Variants in PPP2R3A observed in about 807,000 individuals in gnomAD.
PPP2R3A encodes the protein protein phosphatase 2 regulatory subunit B''alpha, also known as serine/threonine-protein phosphatase 2A regulatory subunit B'' subunit alpha.
PPP2R3A carries 80 observed loss-of-function variants against 106.9 expected under a neutral mutation model. That is an observed-to-expected ratio of 0.75 (90% CI 0.62 to 0.90). The LOEUF (loss-of-function observed/expected upper bound fraction) is 0.90, where lower values mean the gene tolerates loss of function less well. Ranked by LOEUF, PPP2R3A falls within the 40% of genes least tolerant of loss-of-function variation. The pLI, the probability that PPP2R3A is intolerant of heterozygous loss-of-function variation, is 0.00. For synonymous variants in PPP2R3A, 483 were observed against 468.3 expected, an observed-to-expected ratio of 1.03 and a Z score of -0.41; for missense variants, 1,386 against 1,350.4, an observed-to-expected ratio of 1.03 and a Z score of -0.41.
At chr3:135,987,814 T>C (rs1451230818) in intron 1 of PPP2R3A, among the ~76,000 whole-genome samples, 3 of 152,318 alleles carry the variant, frequency 2.0e-5, no homozygotes, top group Admixed American at 1.3e-4. Flanking sequence ...AAGTGCTCAA[T>C]AGCCACATGT....
At chr3:136,034,751 G>A (rs941643408) in intron 3 of PPP2R3A, among the ~76,000 whole-genome samples, 1 of 152,110 alleles carries the variant, frequency 6.6e-6, no homozygotes, top group Non-Finnish European at 1.5e-5. Flanking sequence ...TTGTTCCAGG[G>A]TATAGTTTAA....
rs1319778098 is a variant in PPP2R3A, at chr3:136,146,204, T to A, written c.*1038T>A. The A allele has an allele frequency of 2.0e-5, 3 of 152,240 alleles. No individual in the cohort carries two copies. 9.4% of individuals were successfully genotyped at this position (152,240 alleles called of 1,614,324 possible). Reference sequence around the variant, plus strand: ...ACAGCTATAAAAGAAAGCTGTTATTTACTGTAGTTGTAGATGTATTCACTA... The same window carrying A: ...ACAGCTATAAAAGAAAGCTGTTATTAACTGTAGTTGTAGATGTATTCACTA... On this transcript the variant is annotated 3_prime_UTR_variant, in exon 14 of 14. Transcript: ENST00000264977.
intron 4 of PPP2R3A, among the ~76,000 whole-genome samples, chr3:136,048,308 G>A (rs555483117): frequency 1.3e-5 from 2 of 152,272 alleles, no homozygotes; most frequent in South Asian, 4.1e-4. Flanking sequence ...CACAAGTGCA[G>A]GAATGGTAAG....
chr3:136,056,281 T>C (rs1373267414), intron 5 of PPP2R3A, among the ~76,000 whole-genome samples: 2 of 152,162 alleles, frequency 1.3e-5, no homozygotes, highest in African/African-American at 4.8e-5. Flanking sequence ...AACACTGGAA[T>C]AGAAAGAAGA....
In PPP2R3A at chr3:136,103,256, A is replaced by AGGC; in HGVS notation, c.3104-1_3105dup. On this transcript the variant is annotated splice_acceptor_variant, in intron 11 of 13. Transcript: ENST00000264977. LOFTEE classifies it high-confidence loss of function. Reference sequence around the variant, plus strand: ...TTACCAGATTTGTTTATTTTTATGTAGGCAAAATAACTCTAAGAGATCTGA... The same window carrying AGGC: ...TTACCAGATTTGTTTATTTTTATGTAGGCGGCAAAATAACTCTAAGAGATCTGA... The AGGC allele has an allele frequency of 1.9e-6, 3 of 1,567,012 alleles. No individual in the cohort carries two copies. The highest frequency in any genetic ancestry group is 2.6e-6 in the Non-Finnish European group (3 of 1,150,332).
chr3:136,131,349 A>C (rs1420124618), intron 13 of PPP2R3A, among the ~76,000 whole-genome samples: 1 of 152,260 alleles, frequency 6.6e-6, no homozygotes, highest in Non-Finnish European at 1.5e-5. Context: ...AAAAGTAGGC[A>C]AAGGATATGA....
intron 1 of PPP2R3A, among the ~76,000 whole-genome samples, chr3:135,972,086 A>G (rs1312693044): frequency 6.6e-6 from 1 of 152,054 alleles, no homozygotes; most frequent in African/African-American, 2.4e-5. Context: ...CATTTTCATC[A>G]CCCCAAAAGG....
chr3:136,103,468 C>A, intron 12 of PPP2R3A, 92 bp downstream of exon 12: 1 of 860,486 alleles, frequency 1.2e-6, no homozygotes, highest in Non-Finnish European at 1.8e-6. Flanking sequence ...GCTGGAATTT[C>A]GGTAAAGAGG....
At chr3:136,133,581 A>G (rs1465815771) in intron 13 of PPP2R3A, among the ~76,000 whole-genome samples, 1 of 152,112 alleles carries the variant, frequency 6.6e-6, no homozygotes, top group African/African-American at 2.4e-5. Context: ...AAAGTTAAAC[A>G]TACATTTGGC....
intron 10 of PPP2R3A, 107 bp downstream of exon 10, chr3:136,090,774 T>A: frequency 1.3e-6 from 1 of 787,120 alleles, no homozygotes; most frequent in Admixed American, 2.2e-5. Context: ...GTGGCAATAC[T>A]AAGATGAATT....
At chr3:136,141,523 G>A (rs773676756) in intron 13 of PPP2R3A, among the ~76,000 whole-genome samples, 10 of 152,210 alleles carry the variant, frequency 6.6e-5, no homozygotes, top group Non-Finnish European at 1.3e-4. Context: ...TAGTGGAAGT[G>A]CAAGAACAGA....
chr3:136,003,108 C>CT lies in PPP2R3A; in HGVS notation c.1611dup (p.Asn538Ter). 3.7e-6 allele frequency: 6 copies of CT among 1,610,780 alleles called. No homozygotes were observed. Among genetic ancestry groups the CT allele is most frequent in the Non-Finnish European group, 5.1e-6 (6 of 1,179,216 alleles). ...GAGCCACTTGCGAAGGGTAAAAACT[C>CT]TAATTTTTTAAATAGTCACAGTCAG... On this transcript the variant is annotated frameshift_variant, in exon 2 of 14. Transcript: ENST00000264977. LOFTEE classifies it high-confidence loss of function.
In PPP2R3A at chr3:136,049,329, C is replaced by T; in HGVS notation, c.2437C>T (p.Leu813=). Residue 813 remains leucine, a synonymous_variant, in exon 5 of 14, where the codon CTA becomes TTA. Transcript: ENST00000264977. ...TCTAGCAAAGCCCAACTGCAGCTCT[C>T]TAGAACAGGAGGATTTCATCCCTCT... ...CLLAKPNCSS[L]EQEDFIPLLQ... 1 of 1,613,456 alleles carries T rather than the reference C, an allele frequency of 6.2e-7. No homozygotes were observed. Among genetic ancestry groups the T allele is most frequent in the East Asian group, 2.2e-5 (1 of 44,866 alleles).
intron 4 of PPP2R3A, among the ~76,000 whole-genome samples, chr3:136,047,668 G>A (rs758310786): frequency 3.3e-5 from 5 of 152,184 alleles, no homozygotes; most frequent in Admixed American, 6.5e-5. Context: ...TTCGGAGGCC[G>A]AGGTGAGTGG....
Position 136,088,064 on chromosome 3 carries a change from G to A in PPP2R3A, c.2837+133G>A. On this transcript the variant is annotated intron_variant, in intron 9 of 13. Coordinates refer to ENST00000264977, the MANE Select transcript of PPP2R3A (RefSeq NM_002718.5). ...TAATATCCTATAAAACATAGTTATG[G>A]CTTAATACAAGACAGTAATTCTTTT... 3 of 670,998 alleles carry A rather than the reference G, an allele frequency of 4.5e-6. No individual in the cohort carries two copies. The South Asian group carries it at 6.7e-5, about 15-fold the overall frequency. 41.6% of individuals were successfully genotyped at this position (670,998 alleles called of 1,614,324 possible).
Position 136,133,203 on chromosome 3 carries a change from C to T in PPP2R3A, c.3330-11840C>T, listed in dbSNP as rs866340354. ...AAAAACGATTGCTCTTCAGAAGACA[C>T]CATTAAGAAAATGAAAAAACAGACC... On this transcript the variant is annotated intron_variant, in intron 13 of 13. Transcript: ENST00000264977. Among the ~76,000 whole-genome samples the T allele has an allele frequency of 1.7e-3, 257 of 151,976 alleles. 1 individual carries two copies. Among genetic ancestry groups the T allele is most frequent in the African/African-American group, 5.2e-3 (215 of 41,476 alleles).
intron 12 of PPP2R3A, among the ~76,000 whole-genome samples, 185 bp downstream of exon 12, chr3:136,103,561 AG>A (rs371799769): frequency 1.4e-3 from 220 of 152,344 alleles, no homozygotes; most frequent in African/African-American, 5.0e-3. Context: ...GCCGATCGTC[AG>A]GTCTAAGTAA....
At chr3:136,015,288 T>A (rs1934230956) in intron 2 of PPP2R3A, among the ~76,000 whole-genome samples, 1 of 152,220 alleles carries the variant, frequency 6.6e-6, no homozygotes, top group East Asian at 1.9e-4. Flanking sequence ...GTAGTTTTTT[T>A]ATGTCCTTTC....
chr3:136,000,170 C>A (rs1380345254), intron 1 of PPP2R3A, among the ~76,000 whole-genome samples: 1 of 152,132 alleles, frequency 6.6e-6, no homozygotes, highest in Non-Finnish European at 1.5e-5. Flanking sequence ...CATTTCTAAA[C>A]CCTTGCCCTG....
Sources: allele counts gnomAD v4.1 joint callset (sites outside exome capture counted in the v4.1 genomes callset), GRCh38; gene constraint gnomAD v4.1.1; transcripts MANE v1.5; gene names NCBI Gene and HGNC (gene_info 2026-07-23, HGNC 2026-07-21).